Variants in CCDC88B observed in about 807,000 individuals in gnomAD.
CCDC88B encodes the protein coiled-coil domain-containing protein 88B.
Under a neutral mutation model 183.7 loss-of-function variants are expected in CCDC88B, and 138 were observed. That is an observed-to-expected ratio of 0.75 (90% CI 0.65 to 0.87). The LOEUF is 0.87. Ranked by LOEUF, CCDC88B falls within the 40% of genes least tolerant of loss-of-function variation. The pLI is 0.00. For synonymous variants in CCDC88B, 835 were observed against 867.5 expected (o/e 0.96, Z 0.66); for missense variants, 1,822 against 1,965.6 (o/e 0.93, Z 1.38).
Position 64,341,759 on chromosome 11 carries a change from C to A in CCDC88B, c.675+17C>A, listed in dbSNP as rs779596149. On this transcript the variant is annotated intron_variant, in intron 7 of 26. Coordinates refer to ENST00000356786, the MANE Select transcript of CCDC88B (RefSeq NM_032251.6). ...GGGGCCCAGGTAGGGGCAGCAGGGG[C>A]ATCGTGGACTCAGGTTGGGGAACTG... is the stretch of plus-strand genomic sequence containing the variant. 2.0e-5 allele frequency: 31 copies of A among 1,547,150 alleles called. No homozygotes were observed. The highest frequency in any genetic ancestry group is 2.4e-5 in the Non-Finnish European group (28 of 1,151,758).
intron 11 of CCDC88B, 48 bp from the exon 12 acceptor site, chr11:64,343,459 G>A (rs2035969300): frequency 3.9e-6 from 6 of 1,546,028 alleles, no homozygotes; most frequent in Non-Finnish European, 5.2e-6. Context: ...TACACACTCG[G>A]CCTGGCCATG....
intron 7 of CCDC88B, 109 bp downstream of exon 7, chr11:64,341,851 TCTGAGGTCTTGGGCCATCAGTGA>T: frequency 4.0e-6 from 3 of 741,804 alleles, no homozygotes; most frequent in Middle Eastern, 4.7e-4. Flanking sequence ...GGGGTTGTGG[TCTGAGGTCTTGGGCCATCAGTGA>T]TGTCACAACC....
In CCDC88B at chr11:64,357,252, GC is replaced by G; in HGVS notation, c.*161del. 1.2e-6 allele frequency: 1 copy of G among 869,318 alleles called. No homozygotes were observed. 53.9% of individuals were successfully genotyped at this position (869,318 alleles called of 1,614,324 possible). ...GAGATCCTCCACGGTCAGCGCCGGG[GC>G]CCGGAGATGGAGCTGGGACGAGTGT... On this transcript the variant is annotated 3_prime_UTR_variant, in exon 27 of 27. Transcript: ENST00000356786.
chr11:64,353,997 C>A lies in CCDC88B; in HGVS notation c.3933-7C>A, dbSNP rs968971747. ...CCTGACCCCCTCTTGTGCCCTCTTG[C>A]CCCCAGGAAGGGCAGCTGGCTGGCA... On this transcript the variant is annotated splice_region_variant and splice_polypyrimidine_tract_variant and intron_variant, in intron 23 of 26. Transcript: ENST00000356786. 3 of 1,486,328 alleles carry A rather than the reference C, an allele frequency of 2.0e-6. No homozygotes were observed. Among genetic ancestry groups the A allele is most frequent in the African/African-American group, 1.4e-5 (1 of 71,296 alleles). 92.1% of individuals were successfully genotyped at this position (1,486,328 alleles called of 1,614,324 possible).
In CCDC88B at chr11:64,341,105, C is replaced by G. The variant is rs2035826076; in HGVS notation, c.319-4C>G. On this transcript the variant is annotated splice_polypyrimidine_tract_variant and splice_region_variant and intron_variant, in intron 3 of 26. Transcript: ENST00000356786. ...CCTCATATAGTCTGCCTCTCTGCCT[C>G]CAGGAGGAGCTGCAGCTGCTGATCC... The G allele has an allele frequency of 1.2e-6, 2 of 1,613,952 alleles. No individual in the cohort carries two copies. The highest frequency in any genetic ancestry group is 3.3e-5 in the Admixed American group (2 of 60,000).
At chr11:64,350,050 A>G in intron 16 of CCDC88B, 1 of 293,906 alleles carries the variant, frequency 3.4e-6, no homozygotes, top group Non-Finnish European at 6.6e-6. Flanking sequence ...GCCCAATCCC[A>G]GGCTGCCATC....
intron 18 of CCDC88B, 105 bp from the exon 19 acceptor site, chr11:64,352,025 C>T: frequency 6.9e-7 from 1 of 1,456,518 alleles, no homozygotes; most frequent in Non-Finnish European, 9.2e-7. Context: ...CCACAACTCT[C>T]TCATTGTCTT....
Position 64,344,749 on chromosome 11 carries a change from G to A in CCDC88B, c.2208G>A (p.Gln736=). ...AGGCCCTCAGGGAGGAGGTGGCACAGTTGAGGAGAAAGGCTGAGGCCCTTG... is the reference window on the plus strand; with the variant it reads ...AGGCCCTCAGGGAGGAGGTGGCACAATTGAGGAGAAAGGCTGAGGCCCTTG... ...EQEALREEVA[Q]LRRKAEALGD... The change falls in exon 14 of 27, where the codon CAG becomes CAA. Residue 736 remains glutamine, a synonymous_variant. Transcript: ENST00000356786. The surrounding 1 kb of genome is among the most constrained non-coding windows in gnomAD (Gnocchi z 4.5). 1 of 1,614,060 alleles carries A rather than the reference G, an allele frequency of 6.2e-7. No homozygotes were observed. Among genetic ancestry groups the A allele is most frequent in the Non-Finnish European group, 8.5e-7 (1 of 1,180,006 alleles).
Position 64,342,058 on chromosome 11 carries a change from C to G in CCDC88B, c.740C>G (p.Ala247Gly), listed in dbSNP as rs556773409. Residue 247 changes from alanine (A) to glycine (G), a missense_variant, in exon 8 of 27, where the codon GCT becomes GGT. Transcript: ENST00000356786. ...TTGAGGCCTGAGGCTCCCTCTAGGG[C>G]TCCCGCCGAGGGCCCCTCGCACCAT... ...LCLRPEAPSRAPAEGPSHHLA... is the reference protein window; with the variant it reads ...LCLRPEAPSRGPAEGPSHHLA... 44 of 1,611,754 alleles carry G rather than the reference C, an allele frequency of 2.7e-5. No individual in the cohort carries two copies. The African/African-American group carries it at 5.1e-4, about 19-fold the overall frequency.
In CCDC88B at chr11:64,344,927, G is replaced by A. The variant is rs1408211455; in HGVS notation, c.2386G>A (p.Ala796Thr). Residue 796 changes from alanine (A) to threonine (T), a missense_variant, in exon 14 of 27, where the codon GCA becomes ACA. Coordinates refer to ENST00000356786, the MANE Select transcript of CCDC88B (RefSeq NM_032251.6). The surrounding 1 kb of genome is among the most constrained non-coding windows in gnomAD (Gnocchi z 4.5). ...CTGGGAGCAAGCCCGGCTGCGGGAGGCAGTGGAGGCTGCTGGCCAGGAGCT... is the reference window on the plus strand; with the variant it reads ...CTGGGAGCAAGCCCGGCTGCGGGAGACAGTGGAGGCTGCTGGCCAGGAGCT... ...QAWEQARLRE[A>T]VEAAGQELES... 1.9e-6 allele frequency: 3 copies of A among 1,565,462 alleles called. No individual in the cohort carries two copies. Among genetic ancestry groups the A allele is most frequent in the Non-Finnish European group, 2.6e-6 (3 of 1,155,542 alleles).
At position 64,355,264 on chromosome 11, in the gene CCDC88B, C is replaced by T. The variant is rs369850844; in HGVS notation, c.4170C>T (p.Gly1390=). The change falls in exon 25 of 27, where the codon GGC becomes GGT. Residue 1390 remains glycine (G), a synonymous_variant. Transcript: ENST00000356786. ...GCCTGCGGGATGAGACCTTGGCAGG[C>T]GGGCAGCGGCGGAAACTCAGCTCAA... ...SLCLRDETLA[G]GQRRKLSSRF... is the part of the protein sequence containing the mutation. The T allele has an allele frequency of 7.2e-5, 114 of 1,572,598 alleles. No homozygotes were observed. The highest frequency in any genetic ancestry group is 9.0e-5 in the Non-Finnish European group (105 of 1,161,184).
Position 64,357,471 on chromosome 11 carries a change from G to T in CCDC88B, c.*377G>T, listed in dbSNP as rs1194748501. 5.6e-6 allele frequency: 4 copies of T among 714,952 alleles called. No individual in the cohort carries two copies. The allele number at this position is 714,952 out of a possible 1,614,324, so 44.3% of individuals were successfully genotyped here. ...CCAGTGCTGGGGGACTGTGGCCTGG[G>T]CTGATCTTGAGCCTTAACTGGACAT... On this transcript the variant is annotated 3_prime_UTR_variant, in exon 27 of 27. Transcript: ENST00000356786.
intron 21 of CCDC88B, 21 bp from the exon 22 acceptor site, chr11:64,353,330 G>A: frequency 6.2e-7 from 1 of 1,611,510 alleles, no homozygotes; most frequent in Non-Finnish European, 8.5e-7. Flanking sequence ...CACCCTCCGA[G>A]CCATGGTGCC....
intron 19 of CCDC88B, 81 bp downstream of exon 19, chr11:64,352,467 C>G (rs898316889): frequency 1.3e-4 from 194 of 1,454,552 alleles, no homozygotes; most frequent in Admixed American, 6.7e-4. Flanking sequence ...GTCTGACTCC[C>G]CATCAGGAAG....
intron 16 of CCDC88B, 110 bp downstream of exon 16, chr11:64,349,778 G>C: frequency 9.3e-7 from 1 of 1,075,922 alleles, no homozygotes; most frequent in Non-Finnish European, 1.4e-6. Context: ...TTCTTGGCTA[G>C]CTACTTGCCT....
chr11:64,351,224 A>G lies in CCDC88B; in HGVS notation c.2927A>G (p.Gln976Arg). 1 of 1,530,164 alleles carries G rather than the reference A, an allele frequency of 6.5e-7. No individual in the cohort carries two copies. Among genetic ancestry groups the G allele is most frequent in the Non-Finnish European group, 8.8e-7 (1 of 1,139,240 alleles). The allele number at this position is 1,530,164 out of a possible 1,614,324, so 94.8% of individuals were successfully genotyped here. ...GCGGAGCCTCAGCTGGTGGAGACCC[A>G]GAATGTGCGGCTTATTGAGGTGGAG... ...KRAEPQLVET[Q>R]NVRLIEVERS... is the part of the protein sequence containing the mutation. The change falls in exon 17 of 27, where the codon CAG becomes CGG. Residue 976 changes from glutamine (Q) to arginine (R), a missense_variant. By Grantham distance (43) the Gln-to-Arg change is conservative (BLOSUM62 1). Transcript: ENST00000356786.
At chr11:64,352,614 C>A in intron 19 of CCDC88B, 130 bp from the exon 20 acceptor site, 1 of 1,436,934 alleles carries the variant, frequency 7.0e-7, no homozygotes. Context: ...GCATTCTGCC[C>A]AATGGCTTCC....
At position 64,354,128 on chromosome 11, in the gene CCDC88B, C is replaced by T. The variant is rs908693083; in HGVS notation, c.4057C>T (p.Pro1353Ser). The T allele has an allele frequency of 1.5e-6, 2 of 1,373,992 alleles. No individual in the cohort carries two copies. The highest frequency in any genetic ancestry group is 1.9e-6 in the Non-Finnish European group (2 of 1,057,146). 85.1% of individuals were successfully genotyped at this position (1,373,992 alleles called of 1,614,324 possible). ...AGSTESLGGP[P>S]ETELPEGREA... is the part of the protein sequence containing the mutation. Reference sequence around the variant, plus strand: ...CAGCACCGAGAGCCTGGGGGGCCCCCCGGAGACGGAGCTTCCTGAGGGCAG... The same window carrying T: ...CAGCACCGAGAGCCTGGGGGGCCCCTCGGAGACGGAGCTTCCTGAGGGCAG... Residue 1353 changes from proline (P) to serine (S), a missense_variant, in exon 24 of 27, where the codon CCG (proline) becomes TCG (serine). Coordinates refer to ENST00000356786, the MANE Select transcript of CCDC88B (RefSeq NM_032251.6).
Position 64,345,066 on chromosome 11 carries a change from C to T in CCDC88B, c.2525C>T (p.Ala842Val), listed in dbSNP as rs2036050799. The change falls in exon 14 of 27, where the codon GCC becomes GTC. Residue 842 changes from alanine to valine, a missense_variant. Coordinates refer to ENST00000356786, the MANE Select transcript of CCDC88B (RefSeq NM_032251.6). Reference protein sequence around the residue: ...GSRLRAQSEAAEERMQVLESE... With the variant: ...GSRLRAQSEAVEERMQVLESE... ...AGGCTGCGGGCCCAGTCGGAGGCCG[C>T]CGAGGAACGGATGCAGGTGCTGGAG... 1 of 1,550,312 alleles carries T rather than the reference C, an allele frequency of 6.5e-7. No homozygotes were observed. Among genetic ancestry groups the T allele is most frequent in the Non-Finnish European group, 8.7e-7 (1 of 1,150,244 alleles).
Sources: allele counts gnomAD v4.1 joint callset, GRCh38; gene constraint gnomAD v4.1.1; non-coding constraint Gnocchi (gnomAD v3.1); transcripts MANE v1.5; gene names NCBI Gene and HGNC (gene_info 2026-07-23, HGNC 2026-07-21).